Variants in SNTG1 observed in about 807,000 individuals in gnomAD.
SNTG1 encodes the protein syntrophin gamma 1, also known as gamma-1-syntrophin.
In SNTG1, 39 loss-of-function variants were observed where a neutral mutation model predicts 74.7. The ratio of observed to expected loss-of-function variants is 0.52; its 90% CI spans 0.40 to 0.68. SNTG1 has a LOEUF of 0.68. Ranked by LOEUF, SNTG1 falls within the 30% of genes least tolerant of loss-of-function variation. The pLI is 0.00. For missense variants in SNTG1, 685 were observed against 609.5 expected (o/e 1.12, Z -1.30); for synonymous variants, 254 against 217.1 (o/e 1.17, Z -1.49).
rs943299931 is a variant in SNTG1 at position 50,090,741 on chromosome 8, G to A, written c.-102-81820G>A. On this transcript the variant is annotated intron_variant, in intron 1 of 18. Coordinates refer to ENST00000642720, the MANE Select transcript of SNTG1 (RefSeq NM_018967.5). The stretch of plus-strand genomic sequence containing the variant: ...ACAAAAGCAGGGAAGATGGGTACTT[G>A]GGCAGACAATACAATCAGGAAGAGC... Among the ~76,000 whole-genome samples the A allele has an allele frequency of 1.3e-5, 2 of 152,156 alleles. 1 individual carries two copies. The highest frequency in any genetic ancestry group is 1.3e-4 in the Admixed American group (2 of 15,258).
chr8:50,783,770 A>C (rs974690840), intron 18 of SNTG1, among the ~76,000 whole-genome samples: 3 of 152,176 alleles, frequency 2.0e-5, no homozygotes, highest in African/African-American at 7.2e-5. Flanking sequence ...GGAAATGCAG[A>C]AATCACTGGT....
At chr8:50,786,313 A>C (rs1397033820) in intron 18 of SNTG1, among the ~76,000 whole-genome samples, 1 of 152,020 alleles carries the variant, frequency 6.6e-6, no homozygotes, top group African/African-American at 2.4e-5. Flanking sequence ...TAACAAAAGA[A>C]GTGCAAATAT....
intron 8 of SNTG1, among the ~76,000 whole-genome samples, chr8:50,502,385 C>T (rs538333403): frequency 1.3e-5 from 2 of 152,250 alleles, no homozygotes; most frequent in Admixed American, 1.3e-4. Flanking sequence ...TGCTCCAAAG[C>T]TTATCCAATT....
chr8:50,165,743 C>T (rs1432043537), intron 1 of SNTG1, among the ~76,000 whole-genome samples: 1 of 152,168 alleles, frequency 6.6e-6, no homozygotes, highest in East Asian at 1.9e-4. Flanking sequence ...CTAAAAAGAT[C>T]GAGATATATG....
chr8:50,047,263 C>T (rs1819171575), intron 1 of SNTG1, among the ~76,000 whole-genome samples: 1 of 151,762 alleles, frequency 6.6e-6, no homozygotes, highest in African/African-American at 2.4e-5. Context: ...TGCTTGAGCC[C>T]AGGCAGTCAA....
intron 18 of SNTG1, among the ~76,000 whole-genome samples, chr8:50,759,097 A>G (rs1458404670): frequency 1.3e-5 from 2 of 152,130 alleles, no homozygotes; most frequent in Admixed American, 1.3e-4. Context: ...TGTTGGCTGC[A>G]TAAATGTCTT....
At chr8:50,040,839 T>C (rs576728769) in intron 1 of SNTG1, among the ~76,000 whole-genome samples, 1 of 152,320 alleles carries the variant, frequency 6.6e-6, no homozygotes, top group African/African-American at 2.4e-5. Context: ...GACATTTTTG[T>C]TGTTTAAAAG....
intron 9 of SNTG1, among the ~76,000 whole-genome samples, chr8:50,526,556 G>A (rs574237662): frequency 3.3e-5 from 5 of 151,990 alleles, no homozygotes; most frequent in Non-Finnish European, 5.9e-5. Context: ...AAGGTCTGAG[G>A]TTTCTATTCC....
At chr8:50,071,277 C>T (rs1448901618) in intron 1 of SNTG1, among the ~76,000 whole-genome samples, 1 of 152,176 alleles carries the variant, frequency 6.6e-6, no homozygotes, top group Non-Finnish European at 1.5e-5. Context: ...TAGCTCACTG[C>T]TGCCTTGAAA....
intron 2 of SNTG1, among the ~76,000 whole-genome samples, chr8:50,251,170 G>C (rs1373607756): frequency 1.3e-5 from 2 of 151,972 alleles, no homozygotes; most frequent in Non-Finnish European, 1.5e-5. Flanking sequence ...ATACCTATAA[G>C]ACTTTTCATG....
At chr8:50,342,494 TA>T (rs963381923) in intron 2 of SNTG1, among the ~76,000 whole-genome samples, 10 of 152,238 alleles carry the variant, frequency 6.6e-5, no homozygotes, top group African/African-American at 2.2e-4. Context: ...ATCAATAGAT[TA>T]AAAAAATGTT....
intron 15 of SNTG1, among the ~76,000 whole-genome samples, chr8:50,672,134 T>C (rs1234507410): frequency 6.6e-6 from 1 of 151,496 alleles, no homozygotes; most frequent in African/African-American, 2.4e-5. Flanking sequence ...GCATGGCACA[T>C]GTATACATAT....
At chr8:50,779,376 CAT>C (rs2095651354) in intron 18 of SNTG1, among the ~76,000 whole-genome samples, 1 of 152,098 alleles carries the variant, frequency 6.6e-6, no homozygotes, top group Non-Finnish European at 1.5e-5. Flanking sequence ...TCTTTTATTT[CAT>C]CGAGCAGTGG....
In SNTG1 at chr8:50,306,675, T is replaced by C. The variant is rs114992058; in HGVS notation, c.-27-87537T>C. On this transcript the variant is annotated intron_variant, in intron 2 of 18. Coordinates refer to ENST00000642720, the MANE Select transcript of SNTG1 (RefSeq NM_018967.5). ...GATGTTGGCCATTTTTTCTTGTTTG[T>C]TAGCCATTTTTATATCTTTTTTGAG... is the stretch of plus-strand genomic sequence containing the variant. 1.3e-3 allele frequency among the ~76,000 whole-genome samples: 203 copies of C among 152,220 alleles called. 2 individuals carry two copies. The highest frequency in any genetic ancestry group is 4.7e-3 in the African/African-American group (195 of 41,572).
At chr8:50,214,978 G>A (rs747469655) in intron 2 of SNTG1, among the ~76,000 whole-genome samples, 27 of 152,128 alleles carry the variant, frequency 1.8e-4, no homozygotes, top group African/African-American at 4.3e-4. Context: ...GTCCAGTGGC[G>A]TTGAAGGCAA....
intron 2 of SNTG1, among the ~76,000 whole-genome samples, chr8:50,215,777 A>G (rs935401838): frequency 1.2e-4 from 19 of 152,228 alleles, no homozygotes; most frequent in Admixed American, 7.9e-4. Flanking sequence ...GAAAGTTTTC[A>G]GAAGGAGATT....
intron 2 of SNTG1, among the ~76,000 whole-genome samples, chr8:50,229,154 G>C (rs2085487848): frequency 6.6e-6 from 1 of 151,388 alleles, no homozygotes; most frequent in African/African-American, 2.4e-5. Context: ...TTGGAAAGGA[G>C]ATAAAATGCT....
intron 2 of SNTG1, among the ~76,000 whole-genome samples, chr8:50,179,156 A>C (rs904576723): frequency 5.3e-5 from 8 of 151,974 alleles, no homozygotes; most frequent in Admixed American, 5.2e-4. Context: ...ACTCTGTTCC[A>C]TTGGTCTATG....
intron 1 of SNTG1, among the ~76,000 whole-genome samples, chr8:50,145,608 G>A (rs2081832728): frequency 1.3e-5 from 2 of 152,052 alleles, no homozygotes; most frequent in Admixed American, 1.3e-4. Flanking sequence ...ATGGCAGTTG[G>A]GGCGGTGTTG....
Sources: gnomAD v4.1 joint callset for allele counts (sites outside exome capture counted in the v4.1 genomes callset) on GRCh38, gnomAD v4.1.1 for gene constraint, MANE v1.5 for transcripts, NCBI Gene and HGNC (gene_info 2026-07-23, HGNC 2026-07-21) for gene names.